The following CDYL variants were observed in gnomAD, a reference collection of about 807,000 sequenced individuals.
CDYL encodes the protein chromodomain Y like.
Under a neutral mutation model 47.3 loss-of-function variants are expected in CDYL, and 8 were observed. That is an observed-to-expected ratio of 0.17 (90% CI 0.10 to 0.31). CDYL has a LOEUF of 0.31. Among genes scored for constraint, CDYL ranks in the 10% least tolerant of loss-of-function variants. CDYL has a pLI of 1.00. For synonymous variants in CDYL, 266 were observed against 265.0 expected, an observed-to-expected ratio of 1.00 and a Z score of -0.04; for missense variants, 471 against 701.4, an observed-to-expected ratio of 0.67 and a Z score of 3.71.
chr6:4,788,561 A>G (rs1273582042), intron 1 of CDYL, among the ~76,000 whole-genome samples: 1 of 151,462 alleles, frequency 6.6e-6, no homozygotes, highest in Non-Finnish European at 1.5e-5. Flanking sequence ...AGAGTTTGAA[A>G]AGGAACCCTT....
chr6:4,815,692 T>TTA (rs1759653789), intron 1 of CDYL, among the ~76,000 whole-genome samples: 1 of 151,078 alleles, frequency 6.6e-6, no homozygotes, highest in East Asian at 1.9e-4. Context: ...TTTTTTTTTT[T>TTA]TACCTTTTTT....
In CDYL at chr6:4,944,976, G is replaced by A. The variant is rs959343865; in HGVS notation, c.1332+1220G>A. Among the ~76,000 whole-genome samples, 5 of 152,144 alleles carry A rather than the reference G, an allele frequency of 3.3e-5. No homozygotes were observed. In the South Asian group the frequency reaches 8.3e-4, roughly 25 times the overall value. On this transcript the variant is annotated intron_variant, in intron 5 of 6. Transcript: ENST00000397588. Reference sequence around the variant, plus strand: ...TCAGTCTCATCATGAGGAACGTCAGGCCCAGACTGGGGGGCAGTCTGCAGA... The same window carrying A: ...TCAGTCTCATCATGAGGAACGTCAGACCCAGACTGGGGGGCAGTCTGCAGA...
Position 4,776,658 on chromosome 6 carries a change from C to T in CDYL, c.-126C>T. On this transcript the variant is annotated 5_prime_UTR_variant, in exon 1 of 7. Coordinates refer to ENST00000397588, the MANE Select transcript of CDYL (RefSeq NM_004824.4). ...GTGCAAGAGGCTCGTCCGTGCCCAG[C>T]GCCCGGCCGGCCGCGGGAGCAGGAA... The T allele has an allele frequency of 1.2e-6, 1 of 827,680 alleles. No homozygotes were observed. Among genetic ancestry groups the T allele is most frequent in the Non-Finnish European group, 1.6e-6 (1 of 618,576 alleles). The allele number at this position is 827,680 out of a possible 1,614,324, so 51.3% of individuals were successfully genotyped here. A position where few individuals can be genotyped will look rare whatever the true frequency, so the allele number is the denominator to read the frequency against.
intron 6 of CDYL, among the ~76,000 whole-genome samples, chr6:4,952,738 T>C (rs2764155): frequency 0.67 from 101,875 of 151,330 alleles, 36,021 homozygotes; most frequent in Middle Eastern, 0.8. Context: ...GCTTCTCCCC[T>C]GTTTCCCCAC....
chr6:4,919,185 C>T (rs1193193120), intron 2 of CDYL, among the ~76,000 whole-genome samples: 2 of 152,066 alleles, frequency 1.3e-5, no homozygotes, highest in Non-Finnish European at 2.9e-5. Flanking sequence ...AAGAGTGAGG[C>T]TCCTGCACAG....
Position 4,895,388 on chromosome 6 carries a change from C to CATATATGCATGTATACATGTATACGT in CDYL, c.691+3046_691+3071dup, listed in dbSNP as rs1561693788. Among the ~76,000 whole-genome samples the CATATATGCATGTATACATGTATACGT allele has an allele frequency of 5.9e-4, 2 of 3,362 alleles. 1 individual carries two copies. Among genetic ancestry groups the CATATATGCATGTATACATGTATACGT allele is most frequent in the African/African-American group, 6.2e-4 (2 of 3,204 alleles). 2.2% of individuals were successfully genotyped at this position (3,362 alleles called of 152,430 possible). A position where few individuals can be genotyped will look rare whatever the true frequency, so the allele number is the denominator to read the frequency against. ...ATATATGCATGTATGTATATATGTG[C>CATATATGCATGTATACATGTATACGT]ATATATGCATGTATACATGTATACG... is the stretch of plus-strand genomic sequence containing the variant. On this transcript the variant is annotated intron_variant, in intron 2 of 6. Transcript: ENST00000397588.
intron 1 of CDYL, among the ~76,000 whole-genome samples, chr6:4,815,128 A>G (rs187690407): frequency 1.1e-4 from 16 of 152,316 alleles, no homozygotes; most frequent in African/African-American, 3.4e-4. Context: ...TACTAGTAAT[A>G]ACAAATACTT....
chr6:4,781,736 T>C (rs569785969), intron 1 of CDYL, among the ~76,000 whole-genome samples: 2 of 152,316 alleles, frequency 1.3e-5, no homozygotes, highest in African/African-American at 4.8e-5. Flanking sequence ...AATATTTTCA[T>C]GGTATGTAGG....
At position 4,954,870 on chromosome 6, in the gene CDYL, C is replaced by T. The variant is rs1758820732; in HGVS notation, c.*814C>T. ...TTTTTCTGACCCTTCTGAAAAATAA[C>T]TACATAAGTGCTTCTTGTTGCTGGG... On this transcript the variant is annotated 3_prime_UTR_variant, in exon 7 of 7. Transcript: ENST00000397588. 1 of 152,148 alleles carries T rather than the reference C, an allele frequency of 6.6e-6. No homozygotes were observed. The highest frequency in any genetic ancestry group is 6.5e-5 in the Admixed American group (1 of 15,280). 9.4% of individuals were successfully genotyped at this position (152,148 alleles called of 1,614,324 possible).
intron 1 of CDYL, among the ~76,000 whole-genome samples, chr6:4,879,891 G>A (rs993282921): frequency 2.0e-5 from 3 of 152,026 alleles, no homozygotes; most frequent in African/African-American, 7.2e-5. Context: ...TTTTTAAAGA[G>A]TAGTTTCAAA....
intron 3 of CDYL, among the ~76,000 whole-genome samples, chr6:4,740,654 A>G (rs1369987844): frequency 6.6e-6 from 1 of 152,112 alleles, no homozygotes; most frequent in African/African-American, 2.4e-5. Context: ...CTTTCTTTCT[A>G]ATACTGGACA....
chr6:4,851,317 T>C (rs1248253873), intron 1 of CDYL, among the ~76,000 whole-genome samples: 2 of 152,216 alleles, frequency 1.3e-5, no homozygotes, highest in Non-Finnish European at 2.9e-5. Flanking sequence ...GGCATGTAGA[T>C]ATACTAGGTA....
rs1054559273 is a variant in CDYL at position 4,954,969 on chromosome 6, A to G, written c.*913A>G. The stretch of plus-strand genomic sequence containing the variant: ...GATTGATGTATTTCACCAAAATAAA[A>G]TATTTTTATGTTTATAAAGTGTAAT... On this transcript the variant is annotated 3_prime_UTR_variant, in exon 7 of 7. Coordinates refer to ENST00000397588, the MANE Select transcript of CDYL (RefSeq NM_004824.4). 1.3e-5 allele frequency: 2 copies of G among 152,318 alleles called. No homozygotes were observed. The highest frequency in any genetic ancestry group is 4.8e-5 in the African/African-American group (2 of 41,452). The allele number at this position is 152,318 out of a possible 1,614,324, so 9.4% of individuals were successfully genotyped here.
chr6:4,825,640 A>T (rs1036145750), intron 1 of CDYL, among the ~76,000 whole-genome samples: 1 of 152,054 alleles, frequency 6.6e-6, no homozygotes, highest in African/African-American at 2.4e-5. Flanking sequence ...TATTACATTG[A>T]TTGATTTTCT....
chr6:4,826,490 C>G (rs1759985271), intron 1 of CDYL, among the ~76,000 whole-genome samples: 1 of 152,078 alleles, frequency 6.6e-6, no homozygotes, highest in Non-Finnish European at 1.5e-5. Flanking sequence ...ACCTTTACAT[C>G]TATAAACTTT....
intron 2 of CDYL, among the ~76,000 whole-genome samples, chr6:4,934,750 C>T (rs1159369870): frequency 1.3e-5 from 2 of 152,136 alleles, no homozygotes; most frequent in African/African-American, 4.8e-5. Flanking sequence ...TCACTTGAGG[C>T]CAGGAGTTTG....
chr6:4,800,677 A>T (rs1393775087), intron 1 of CDYL, among the ~76,000 whole-genome samples: 2 of 152,138 alleles, frequency 1.3e-5, no homozygotes, highest in Admixed American at 1.3e-4. Flanking sequence ...TTTAAAGGAA[A>T]CTTCTTCTGA....
At chr6:4,900,777 G>GTGTGTGTGTGTGTATA (rs1337124010) in intron 2 of CDYL, among the ~76,000 whole-genome samples, 1 of 18,134 alleles carries the variant, frequency 5.5e-5, no homozygotes, top group African/African-American at 2.1e-4. Flanking sequence ...CCGTATACGT[G>GTGTGTGTGTGTGTATA]TGTATATATA....
intron 2 of CDYL, among the ~76,000 whole-genome samples, chr6:4,925,409 C>CTTTTTTTTTTT (rs58457972): frequency 1.2e-4 from 13 of 109,230 alleles, no homozygotes; most frequent in East Asian, 5.6e-4. Context: ...ATTCTTTTTT[C>CTTTTTTTTTTT]TTTTTTTTTT....
Sources: gnomAD v4.1 joint callset for allele counts (sites outside exome capture counted in the v4.1 genomes callset) on GRCh38, gnomAD v4.1.1 for gene constraint, MANE v1.5 for transcripts, NCBI Gene and HGNC (gene_info 2026-07-23, HGNC 2026-07-21) for gene names.